SPIDR: variants seen among roughly 807,000 people sequenced by gnomAD.
SPIDR encodes the protein DNA repair-scaffolding protein.
A neutral mutation model predicts 104.6 loss-of-function variants in SPIDR; 93 were observed. That is an observed-to-expected ratio of 0.89 (90% CI 0.75 to 1.06). The LOEUF (loss-of-function observed/expected upper bound fraction) is 1.06, where lower values mean the gene tolerates loss of function less well. SPIDR is among the 50% of genes least tolerant of loss of function. SPIDR has a pLI of 0.00. For missense variants in SPIDR, 1,154 were observed against 1,111.2 expected, an observed-to-expected ratio of 1.04 and a Z score of -0.55; for synonymous variants, 431 against 416.9, an observed-to-expected ratio of 1.03 and a Z score of -0.41.
intron 4 of SPIDR, among the ~76,000 whole-genome samples, chr8:47,292,931 A>T (rs2040183817): frequency 6.6e-6 from 1 of 152,114 alleles, no homozygotes; most frequent in Non-Finnish European, 1.5e-5. Context: ...TGATACCGGC[A>T]GCGGCTCTGA....
chr8:47,545,277 C>G (rs370929176), intron 8 of SPIDR, among the ~76,000 whole-genome samples: 1 of 151,886 alleles, frequency 6.6e-6, no homozygotes, highest in East Asian at 1.9e-4. Flanking sequence ...ACTATATTGG[C>G]CAGGCTGGTT....
chr8:47,544,375 A>G (rs983049353), intron 8 of SPIDR, among the ~76,000 whole-genome samples: 10 of 152,188 alleles, frequency 6.6e-5, no homozygotes, highest in African/African-American at 2.4e-4. Context: ...AATTTTAATG[A>G]AATTCAAATT....
chr8:47,595,894 C>G lies in SPIDR; in HGVS notation c.1181C>G (p.Ser394Ter). ...GAGAAAGTTGTTGCCAAAGAAGATT[C>G]AGAAAAAACTTGTGAAGTGTACTGT... ...FCEKVVAKED[S>*]EKTCEVYCPD... The change falls in exon 9 of 20, where the codon TCA becomes TGA. Residue 394 changes from serine (S) to a stop codon, truncating the protein, a stop_gained. Coordinates refer to ENST00000297423, the MANE Select transcript of SPIDR (RefSeq NM_001080394.4). LOFTEE classifies it high-confidence loss of function. 6.2e-7 allele frequency: 1 copy of G among 1,614,148 alleles called. No homozygotes were observed. The highest frequency in any genetic ancestry group is 1.7e-5 in the Admixed American group (1 of 60,024).
chr8:47,634,440 G>T (rs567650073), intron 10 of SPIDR, among the ~76,000 whole-genome samples: 2 of 151,532 alleles, frequency 1.3e-5, no homozygotes, highest in South Asian at 4.2e-4. Context: ...GACAGAGCAA[G>T]AATCCATCTC....
chr8:47,723,741 T>C (rs1459171031), intron 16 of SPIDR, among the ~76,000 whole-genome samples: 1 of 152,226 alleles, frequency 6.6e-6, no homozygotes, highest in Non-Finnish European at 1.5e-5. Flanking sequence ...ATTATACTTA[T>C]TTTTAAGTTT....
intron 8 of SPIDR, among the ~76,000 whole-genome samples, chr8:47,569,893 C>T (rs2154404969): frequency 6.6e-6 from 1 of 152,084 alleles, no homozygotes; most frequent in African/African-American, 2.4e-5. Flanking sequence ...TACAGTGGCA[C>T]CAAAAGGAAT....
intron 11 of SPIDR, among the ~76,000 whole-genome samples, chr8:47,694,451 G>A (rs536732386): frequency 1.2e-4 from 19 of 152,156 alleles, no homozygotes; most frequent in South Asian, 8.3e-4. Flanking sequence ...AAAGATAAGC[G>A]GGGAGGAAAG....
At chr8:47,559,359 C>T (rs2154400732) in intron 8 of SPIDR, among the ~76,000 whole-genome samples, 1 of 152,348 alleles carries the variant, frequency 6.6e-6, no homozygotes, top group African/African-American at 2.4e-5. Context: ...CCCTGCCTGG[C>T]TGTTACTGTC....
At chr8:47,649,230 G>A (rs908319454) in intron 10 of SPIDR, among the ~76,000 whole-genome samples, 2 of 151,628 alleles carry the variant, frequency 1.3e-5, no homozygotes, top group African/African-American at 2.4e-5. Context: ...CTCTAGCCTA[G>A]GCAGCATAGA....
At chr8:47,307,786 G>T (rs1267832979) in intron 5 of SPIDR, among the ~76,000 whole-genome samples, 3 of 151,542 alleles carry the variant, frequency 2.0e-5, no homozygotes, top group Admixed American at 6.6e-5. Flanking sequence ...TGATCTTCCC[G>T]CCTTGGCCTT....
chr8:47,346,805 T>C (rs1266466666), intron 5 of SPIDR, among the ~76,000 whole-genome samples: 2 of 152,214 alleles, frequency 1.3e-5, no homozygotes, highest in African/African-American at 4.8e-5. Context: ...TTGGTGGTGA[T>C]ATCCCCTTTA....
chr8:47,383,727 A>G (rs1554646763), intron 5 of SPIDR, among the ~76,000 whole-genome samples: 1 of 152,210 alleles, frequency 6.6e-6, no homozygotes. Context: ...CTTTCTATAC[A>G]TCCACCTGCA....
chr8:47,529,170 C>G (rs2085511016), intron 8 of SPIDR, among the ~76,000 whole-genome samples: 1 of 152,108 alleles, frequency 6.6e-6, no homozygotes, highest in African/African-American at 2.4e-5. Flanking sequence ...GCCTGTAATC[C>G]TAACACTTTG....
chr8:47,447,281 T>A (rs1554702570), intron 8 of SPIDR, among the ~76,000 whole-genome samples: 1 of 152,218 alleles, frequency 6.6e-6, no homozygotes. Context: ...TGGCACAGTC[T>A]CGGCTCACTG....
At chr8:47,528,589 A>C (rs546771497) in intron 8 of SPIDR, among the ~76,000 whole-genome samples, 3 of 152,166 alleles carry the variant, frequency 2.0e-5, no homozygotes, top group Non-Finnish European at 2.9e-5. Context: ...TGGGTGAAGG[A>C]GAGAAATGGA....
chr8:47,452,081 C>T (rs1455130317), intron 8 of SPIDR, among the ~76,000 whole-genome samples: 13 of 152,044 alleles, frequency 8.6e-5, no homozygotes, highest in African/African-American at 2.9e-4. Context: ...GTACTTCAAG[C>T]ATAATAAAGT....
chr8:47,344,291 C>T (rs2051406101), intron 5 of SPIDR, among the ~76,000 whole-genome samples: 1 of 152,182 alleles, frequency 6.6e-6, no homozygotes, highest in Non-Finnish European at 1.5e-5. Context: ...CTACAAAGGA[C>T]ATGAACTCAT....
intron 6 of SPIDR, among the ~76,000 whole-genome samples, chr8:47,404,052 C>G (rs2062336920): frequency 1.3e-5 from 2 of 152,290 alleles, no homozygotes; most frequent in African/African-American, 2.4e-5. Flanking sequence ...TACCACACAT[C>G]TAAAACCATC....
rs141806210 is a variant in SPIDR, at chr8:47,419,808, G to A, written c.877+11847G>A. 5.4e-3 allele frequency among the ~76,000 whole-genome samples: 824 copies of A among 151,774 alleles called. 7 individuals carry two copies. The highest frequency in any genetic ancestry group is 8.0e-3 in the Non-Finnish European group (544 of 67,846). ...GCTTTGAATATGTCCCAGAGATTCC[G>A]GTATGTTGCGTCTTTGTTCTCGTTG... is the stretch of plus-strand genomic sequence containing the variant. On this transcript the variant is annotated intron_variant, in intron 7 of 19. Transcript: ENST00000297423.
Sources: gnomAD v4.1 joint callset for allele counts (sites outside exome capture counted in the v4.1 genomes callset) on GRCh38, gnomAD v4.1.1 for gene constraint, MANE v1.5 for transcripts, NCBI Gene and HGNC (gene_info 2026-07-23, HGNC 2026-07-21) for gene names.